Variants in CNTLN observed in about 807,000 individuals in gnomAD.
CNTLN encodes centlein, also known as centlein, centrosomal protein.
In CNTLN, 212 loss-of-function variants were observed where a neutral mutation model predicts 180.0. The observed-to-expected ratio is 1.18, with a 90% CI of 1.05 to 1.32. CNTLN has a LOEUF of 1.32. Ranked by LOEUF, CNTLN falls within the 40% of genes most tolerant of loss-of-function variation. CNTLN has a pLI of 0.00. For synonymous variants in CNTLN, 722 were observed against 563.1 expected (o/e 1.28, Z -3.99); for missense variants, 2,095 against 1,610.9 (o/e 1.30, Z -5.14).
At chr9:17,510,032 A>T in the CNTLN span, among the ~76,000 whole-genome samples, 1 of 152,180 alleles carries the variant, frequency 6.6e-6, no homozygotes, top group Non-Finnish European at 1.5e-5. Flanking sequence ...GTAAGGAAGA[A>T]TATATCTGGA....
chr9:17,154,975 G>A (rs1158989154), intron 2 of CNTLN, among the ~76,000 whole-genome samples: 1 of 152,162 alleles, frequency 6.6e-6, no homozygotes, highest in African/African-American at 2.4e-5. Flanking sequence ...CACTCACTGC[G>A]AAGGTCTACG....
At chr9:17,362,984 C>T (rs568177419) in intron 12 of CNTLN, among the ~76,000 whole-genome samples, 7 of 152,180 alleles carry the variant, frequency 4.6e-5, no homozygotes, top group African/African-American at 1.4e-4. Flanking sequence ...TGAGAAAATG[C>T]GGTATTTGGT....
chr9:17,223,974 C>T (rs1466701320), intron 2 of CNTLN, among the ~76,000 whole-genome samples: 1 of 151,948 alleles, frequency 6.6e-6, no homozygotes, highest in East Asian at 1.9e-4. Context: ...CATGACTTGA[C>T]TTGGAAAACT....
At chr9:17,369,472 G>C (rs753175394) in intron 13 of CNTLN, among the ~76,000 whole-genome samples, 4 of 151,994 alleles carry the variant, frequency 2.6e-5, no homozygotes, top group African/African-American at 4.8e-5. Flanking sequence ...TAGCCTTTCA[G>C]ACAGAGAATT....
At chr9:17,234,196 C>G (rs1454624536) in intron 3 of CNTLN, among the ~76,000 whole-genome samples, 7 of 152,016 alleles carry the variant, frequency 4.6e-5, no homozygotes, top group Non-Finnish European at 1.0e-4. Flanking sequence ...GTGGCTCACA[C>G]CTGTTATCTC....
At chr9:17,230,801 C>T (rs926216584) in intron 3 of CNTLN, among the ~76,000 whole-genome samples, 2 of 151,980 alleles carry the variant, frequency 1.3e-5, no homozygotes, top group African/African-American at 4.8e-5. Flanking sequence ...AAATGTGTCA[C>T]CTCTTATTGT....
chr9:17,506,809 G>A (rs1833940669), downstream of CNTLN, among the ~76,000 whole-genome samples: 1 of 152,034 alleles, frequency 6.6e-6, no homozygotes, highest in African/African-American at 2.4e-5. Flanking sequence ...TGAGATACAT[G>A]GGCAGAAGAG....
At chr9:17,280,206 A>C (rs1278264201) in intron 6 of CNTLN, among the ~76,000 whole-genome samples, 1 of 152,200 alleles carries the variant, frequency 6.6e-6, no homozygotes, top group Non-Finnish European at 1.5e-5. Context: ...AGTAAAATAT[A>C]TTCTACAGAA....
At chr9:17,403,416 A>G (rs1473397351) in intron 15 of CNTLN, among the ~76,000 whole-genome samples, 1 of 151,682 alleles carries the variant, frequency 6.6e-6, no homozygotes, top group Non-Finnish European at 1.5e-5. Context: ...ACTGTTGAAT[A>G]TTCAGCCTGT....
At chr9:17,267,509 T>C (rs538366787) in intron 5 of CNTLN, among the ~76,000 whole-genome samples, 65 of 152,200 alleles carry the variant, frequency 4.3e-4, no homozygotes, top group African/African-American at 1.4e-3. Context: ...ATCTGACAAT[T>C]ATGTGTCTTG....
At chr9:17,301,268 A>G (rs1818326428) in intron 7 of CNTLN, 1 of 985,438 alleles carries the variant, frequency 1.0e-6, no homozygotes, top group Non-Finnish European at 1.2e-6. Flanking sequence ...CGTAACCTAA[A>G]TTGTGATCTG....
intron 6 of CNTLN, among the ~76,000 whole-genome samples, chr9:17,295,987 AGAGAGAGAGAGTGTGTGTGT>A (rs1157710768): frequency 5.7e-4 from 71 of 123,908 alleles, no homozygotes; most frequent in African/African-American, 1.9e-3. Flanking sequence ...AGAGAGAGAG[AGAGAGAGAGAGTGTGTGTGT>A]GTGTGTGTGT....
chr9:17,257,538 T>A (rs1325356434), intron 5 of CNTLN, among the ~76,000 whole-genome samples: 1 of 151,540 alleles, frequency 6.6e-6, no homozygotes, highest in East Asian at 1.9e-4. Flanking sequence ...TCTAGATCCC[T>A]GAGGAATCGC....
intron 2 of CNTLN, among the ~76,000 whole-genome samples, chr9:17,216,173 C>A (rs1250635737): frequency 6.6e-6 from 1 of 152,118 alleles, no homozygotes; most frequent in Non-Finnish European, 1.5e-5. Context: ...TGGAGCTGTT[C>A]CTATTTGACC....
In CNTLN at chr9:17,503,564, T is replaced by C. The variant is rs1833857663; in HGVS notation, c.*912T>C. On this transcript the variant is annotated 3_prime_UTR_variant, in exon 26 of 26. Coordinates refer to ENST00000380647, the MANE Select transcript of CNTLN (RefSeq NM_017738.4). ...TCAACTTTCCTCATGGCTGGCTCCT[T>C]GTCATCATTCAGCTCCACCTTCCCC... is the stretch of plus-strand genomic sequence containing the variant. The C allele has an allele frequency of 6.6e-6, 1 of 152,302 alleles. No individual in the cohort carries two copies. The highest frequency in any genetic ancestry group is 2.1e-4 in the South Asian group (1 of 4,832). 9.4% of individuals were successfully genotyped at this position (152,302 alleles called of 1,614,324 possible).
intron 3 of CNTLN, among the ~76,000 whole-genome samples, chr9:17,235,242 G>C (rs936924957): frequency 1.3e-5 from 2 of 152,124 alleles, no homozygotes; most frequent in African/African-American, 2.4e-5. Flanking sequence ...AAATTTTAAA[G>C]TGATTTATGC....
chr9:17,205,212 TGA>T (rs1822834668), intron 2 of CNTLN, among the ~76,000 whole-genome samples: 1 of 151,942 alleles, frequency 6.6e-6, no homozygotes, highest in Non-Finnish European at 1.5e-5. Flanking sequence ...GTGGGAAACG[TGA>T]GAGGGGAGAA....
chr9:17,308,885 T>G (rs1417469310), intron 7 of CNTLN, among the ~76,000 whole-genome samples, 173 bp from the exon 8 acceptor site: 1 of 41,434 alleles, frequency 2.4e-5, no homozygotes, highest in Non-Finnish European at 6.9e-5. Context: ...ATTATATAAA[T>G]TAGTTATTTT....
intron 2 of CNTLN, among the ~76,000 whole-genome samples, chr9:17,173,515 C>T (rs1820538029): frequency 6.6e-6 from 1 of 152,126 alleles, no homozygotes; most frequent in Admixed American, 6.5e-5. Context: ...AGATGCTTAT[C>T]ACTCTTGAGC....
Sources: gnomAD v4.1 joint callset for allele counts (sites outside exome capture counted in the v4.1 genomes callset) on GRCh38, gnomAD v4.1.1 for gene constraint, MANE v1.5 for transcripts, NCBI Gene and HGNC (gene_info 2026-07-23, HGNC 2026-07-21) for gene names.